TNRC6A: variants seen among roughly 807,000 people sequenced by gnomAD.
The protein encoded by TNRC6A is trinucleotide repeat containing adaptor 6A.
Under a neutral mutation model 221.2 loss-of-function variants are expected in TNRC6A, and 44 were observed. That is an observed-to-expected ratio of 0.20 (90% CI 0.16 to 0.26). The LOEUF is 0.26. Among genes scored for constraint, TNRC6A ranks in the 10% least tolerant of loss-of-function variants. The probability of loss-of-function intolerance (pLI) is 1.00; values close to 1 mark genes in which losing one functional copy is unlikely to be tolerated. For missense variants in TNRC6A, 2,199 were observed against 2,404.4 expected (o/e 0.91, Z 1.79); for synonymous variants, 847 against 838.5 (o/e 1.01, Z -0.18).
chr16:24,795,117 T>A (rs1416947881), intron 8 of TNRC6A, among the ~76,000 whole-genome samples: 3 of 152,086 alleles, frequency 2.0e-5, no homozygotes, highest in Non-Finnish European at 4.4e-5. Context: ...AGAGTCACCA[T>A]CCTCCTTATT....
chr16:24,750,735 G>T lies in TNRC6A; in HGVS notation c.63G>T (p.Val21=), dbSNP rs751104183. 1 of 1,541,774 alleles carries T rather than the reference G, an allele frequency of 6.5e-7. No homozygotes were observed. Among genetic ancestry groups the T allele is most frequent in the South Asian group, 1.3e-5 (1 of 76,560 alleles). ...DVERNLSRDL[V]QEEEQLMEEK... Reference sequence around the variant, plus strand: ...CAACTGTGTGGTTCAGGGATTTAGTGCAAGAAGAAGAACAGTTGATGGAAG... The same window carrying T: ...CAACTGTGTGGTTCAGGGATTTAGTTCAAGAAGAAGAACAGTTGATGGAAG... Residue 21 remains valine, a synonymous_variant, in exon 3 of 25, where the codon GTG becomes GTT. Transcript: ENST00000395799.
chr16:24,790,935 G>T lies in TNRC6A; in HGVS notation c.2293G>T (p.Ala765Ser), dbSNP rs774645840. Residue 765 changes from alanine to serine, a missense_variant, in exon 6 of 25, where the codon GCA becomes TCA. Around this residue, in one of 8 missense-constraint regions of TNRC6A, gnomAD observed 1,405 missense variants for 1,400.2 expected, o/e 1.00. Coordinates refer to ENST00000395799, the MANE Select transcript of TNRC6A (RefSeq NM_014494.4). ...TGCAACACAGACTTTTAACTCAGGG[G>T]CATGTATAGATAAGACTAGCCCTAA... ...SSATQTFNSG[A>S]CIDKTSPNGN... The T allele has an allele frequency of 1.9e-6, 3 of 1,613,698 alleles. No homozygotes were observed. The highest frequency in any genetic ancestry group is 2.5e-6 in the Non-Finnish European group (3 of 1,179,810).
At chr16:24,722,765 C>A (rs553249633) in intron 2 of TNRC6A, among the ~76,000 whole-genome samples, 3 of 152,114 alleles carry the variant, frequency 2.0e-5, no homozygotes, top group African/African-American at 7.2e-5. Flanking sequence ...ACGAATTATA[C>A]CACCACAACA....
Position 24,825,276 on chromosome 16 carries a change from C to T in TNRC6A, c.*1469C>T, listed in dbSNP as rs956068707. ...GACTAAACAAGGGTAAAAATTTTAACAGTACAGAATTTGCCATCATATCAT... is the reference window on the plus strand; with the variant it reads ...GACTAAACAAGGGTAAAAATTTTAATAGTACAGAATTTGCCATCATATCAT... On this transcript the variant is annotated 3_prime_UTR_variant, in exon 25 of 25. Coordinates refer to ENST00000395799, the MANE Select transcript of TNRC6A (RefSeq NM_014494.4). 3 of 152,612 alleles carry T rather than the reference C, an allele frequency of 2.0e-5. No homozygotes were observed. The highest frequency in any genetic ancestry group is 7.2e-5 in the African/African-American group (3 of 41,444). The allele number at this position is 152,612 out of a possible 1,614,324, so 9.5% of individuals were successfully genotyped here. A position where few individuals can be genotyped will look rare whatever the true frequency, so the allele number is the denominator to read the frequency against.
intron 2 of TNRC6A, among the ~76,000 whole-genome samples, chr16:24,644,277 G>C (rs566403190): frequency 6.7e-6 from 1 of 150,338 alleles, no homozygotes; most frequent in African/African-American, 2.4e-5. Context: ...TTTTAGTAGA[G>C]ACAGGGTTTC....
intron 3 of TNRC6A, among the ~76,000 whole-genome samples, chr16:24,751,919 A>C (rs1034058514): frequency 6.6e-6 from 1 of 152,168 alleles, no homozygotes; most frequent in African/African-American, 2.4e-5. Context: ...AATAAGGAGC[A>C]GAATAGAAAA....
At chr16:24,691,286 T>C (rs1196851265) in intron 2 of TNRC6A, among the ~76,000 whole-genome samples, 3 of 152,042 alleles carry the variant, frequency 2.0e-5, no homozygotes, top group East Asian at 3.9e-4. Context: ...GGTGCAGTCA[T>C]AGCTCACTGC....
chr16:24,742,152 A>G (rs1485046834), intron 2 of TNRC6A, among the ~76,000 whole-genome samples: 1 of 152,242 alleles, frequency 6.6e-6, no homozygotes, highest in African/African-American at 2.4e-5. Flanking sequence ...TACACTTTTT[A>G]CATGCATCTG....
chr16:24,793,262 T>TAA (rs567613912), intron 6 of TNRC6A: 1 of 368,860 alleles, frequency 2.7e-6, no homozygotes. Context: ...TGAAAAAAGT[T>TAA]AAAAAAATTC....
chr16:24,776,948 A>C lies in TNRC6A; in HGVS notation c.179A>C (p.Lys60Thr). The change falls in exon 5 of 25, where the codon AAG (lysine) becomes ACG (threonine). Residue 60 changes from lysine to threonine, a missense_variant. By Grantham distance (78) the Lys-to-Thr change is moderately conservative. Coordinates refer to ENST00000395799, the MANE Select transcript of TNRC6A (RefSeq NM_014494.4). ...TTGGGATTAGTGCCAGAACAGATAAAGCCCAGTGTAAGCCAGCCTCAGCCT... is the reference window on the plus strand; with the variant it reads ...TTGGGATTAGTGCCAGAACAGATAACGCCCAGTGTAAGCCAGCCTCAGCCT... ...EQKIKVPEQI[K>T]PSVSQPQPAN... The C allele has an allele frequency of 6.2e-7, 1 of 1,613,424 alleles. No individual in the cohort carries two copies. The highest frequency in any genetic ancestry group is 8.5e-7 in the Non-Finnish European group (1 of 1,179,414).
Position 24,805,121 on chromosome 16 carries a change from T to C in TNRC6A, c.4092T>C (p.Ala1364=), listed in dbSNP as rs752379137. Residue 1364 remains alanine (A), a synonymous_variant, in exon 14 of 25, where the codon GCT becomes GCC. Coordinates refer to ENST00000395799, the MANE Select transcript of TNRC6A (RefSeq NM_014494.4). ...PLSSSQPNLR[A]QVPPPLLSPQ... is the part of the protein sequence containing the mutation. ...GTTCATCTCAGCCTAATCTCCGTGC[T>C]CAAGTGCCTCCTCCATTACTCTCCC... is the stretch of plus-strand genomic sequence containing the variant. 2.5e-6 allele frequency: 4 copies of C among 1,614,188 alleles called. No individual in the cohort carries two copies. Among genetic ancestry groups the C allele is most frequent in the Non-Finnish European group, 3.4e-6 (4 of 1,180,038 alleles).
At chr16:24,735,052 C>T (rs542312195) in intron 2 of TNRC6A, among the ~76,000 whole-genome samples, 2 of 152,286 alleles carry the variant, frequency 1.3e-5, no homozygotes, top group East Asian at 3.9e-4. Context: ...GAGACTGAGG[C>T]ACGTGGATCA....
chr16:24,783,603 T>C (rs1298280636), intron 5 of TNRC6A, among the ~76,000 whole-genome samples: 3 of 152,124 alleles, frequency 2.0e-5, no homozygotes, highest in African/African-American at 7.2e-5. Flanking sequence ...AGGATGTTAA[T>C]GATGCTTTAG....
intron 2 of TNRC6A, among the ~76,000 whole-genome samples, chr16:24,677,810 C>T (rs1185878074): frequency 1.3e-5 from 2 of 152,146 alleles, no homozygotes; most frequent in Non-Finnish European, 2.9e-5. Flanking sequence ...AATGAATAAT[C>T]GTCTATCACC....
intron 5 of TNRC6A, among the ~76,000 whole-genome samples, chr16:24,780,776 A>G (rs1343690894): frequency 6.6e-6 from 1 of 152,040 alleles, no homozygotes; most frequent in Non-Finnish European, 1.5e-5. Flanking sequence ...TTTTAAAGAA[A>G]AAGACATTTG....
At chr16:24,732,089 A>AGAAGGCATGAAAGGAAAAAC (rs1378561124) in intron 2 of TNRC6A, among the ~76,000 whole-genome samples, 1 of 152,256 alleles carries the variant, frequency 6.6e-6, no homozygotes, top group Non-Finnish European at 1.5e-5. Flanking sequence ...TCAGTCGGTC[A>AGAAGGCATGAAAGGAAAAAC]GAAGGCATGA....
chr16:24,800,504 C>T (rs963200017), intron 11 of TNRC6A, among the ~76,000 whole-genome samples: 4 of 152,008 alleles, frequency 2.6e-5, no homozygotes, highest in East Asian at 1.9e-4. Context: ...TGAAGAGTGC[C>T]GATAGTGGAG....
chr16:24,721,225 CT>C lies in TNRC6A; in HGVS notation n.403-29499del, dbSNP rs561625771. 4.7e-4 allele frequency among the ~76,000 whole-genome samples: 72 copies of C among 152,292 alleles called. 1 individual carries two copies. The South Asian group carries it at 0.013, about 27-fold the overall frequency. On this transcript the variant is annotated intron_variant and non_coding_transcript_variant, in intron 2 of 2. Coordinates refer to the TNRC6A transcript ENST00000566108. Reference sequence around the variant, plus strand: ...CTTATATAGTCAAATATACACTTACCTTGTGATCCAGTAATTCTATTTCTGG... The same window carrying C: ...CTTATATAGTCAAATATACACTTACCTGTGATCCAGTAATTCTATTTCTGG...
intron 2 of TNRC6A, among the ~76,000 whole-genome samples, chr16:24,710,002 C>A (rs1490019255): frequency 2.0e-5 from 3 of 151,420 alleles, no homozygotes; most frequent in Non-Finnish European, 4.4e-5. Context: ...CCAAGGCAGG[C>A]AGAGCACCTG....
Sources: allele counts gnomAD v4.1 joint callset (sites outside exome capture counted in the v4.1 genomes callset), GRCh38; gene constraint gnomAD v4.1.1; regional missense constraint gnomAD v4.1.1; transcripts MANE v1.5; gene names NCBI Gene and HGNC (gene_info 2026-07-23, HGNC 2026-07-21).